The following SYNPR variants were observed in gnomAD, a reference collection of about 807,000 sequenced individuals.
SYNPR encodes the protein synaptoporin.
In SYNPR, 23 loss-of-function variants were observed where a neutral mutation model predicts 32.9. The observed-to-expected ratio is 0.70, with a 90% CI of 0.50 to 0.99. The LOEUF (loss-of-function observed/expected upper bound fraction) is 0.99. SYNPR is among the 50% of genes least tolerant of loss of function. SYNPR has a pLI of 0.00. For missense variants in SYNPR, 318 were observed against 349.3 expected, an observed-to-expected ratio of 0.91 and a Z score of 0.71; for synonymous variants, 146 against 135.9, an observed-to-expected ratio of 1.07 and a Z score of -0.52.
chr3:63,433,717 T>A (rs1369002077), intron 2 of SYNPR, among the ~76,000 whole-genome samples: 1 of 151,992 alleles, frequency 6.6e-6, no homozygotes, highest in African/African-American at 2.4e-5. Flanking sequence ...TTCGGGAAGG[T>A]GTAAATTAGA....
chr3:63,410,290 GGAGTT>G (rs2088445128), intron 2 of SYNPR, among the ~76,000 whole-genome samples: 1 of 152,120 alleles, frequency 6.6e-6, no homozygotes, highest in African/African-American at 2.4e-5. Context: ...ATTAAATGAT[GGAGTT>G]GAGTTTCAAA....
At chr3:63,262,073 C>G (rs905579661) in intron 2 of SYNPR, among the ~76,000 whole-genome samples, 2 of 149,828 alleles carry the variant, frequency 1.3e-5, no homozygotes, top group African/African-American at 4.9e-5. Flanking sequence ...TTTACCATTA[C>G]AGTTTTCATT....
At chr3:63,494,451 A>C (rs76785486) in intron 3 of SYNPR, among the ~76,000 whole-genome samples, 2 of 130,776 alleles carry the variant, frequency 1.5e-5, no homozygotes, top group Non-Finnish European at 1.6e-5. Flanking sequence ...ATATATACAC[A>C]TATATATACA....
At chr3:63,325,175 C>A (rs1419901284) in intron 2 of SYNPR, among the ~76,000 whole-genome samples, 2 of 152,004 alleles carry the variant, frequency 1.3e-5, no homozygotes, top group Non-Finnish European at 2.9e-5. Context: ...GGCAGAACAG[C>A]CACTGTAATT....
intron 2 of SYNPR, among the ~76,000 whole-genome samples, chr3:63,294,093 A>T (rs561837954): frequency 6.6e-6 from 1 of 152,136 alleles, no homozygotes; most frequent in Non-Finnish European, 1.5e-5. Flanking sequence ...TAATGTCTAT[A>T]TGTGATTATG....
At chr3:63,311,198 G>A (rs1210178667) in intron 2 of SYNPR, among the ~76,000 whole-genome samples, 38 of 151,970 alleles carry the variant, frequency 2.5e-4, no homozygotes, top group Non-Finnish European at 1.5e-5. Flanking sequence ...AAAAACAAAT[G>A]AGATGTAATA....
intron 3 of SYNPR, among the ~76,000 whole-genome samples, chr3:63,515,917 C>G (rs1701790042): frequency 1.3e-5 from 2 of 152,104 alleles, no homozygotes; most frequent in South Asian, 2.1e-4. Flanking sequence ...GAGGATCCCT[C>G]CTACACATAT....
At chr3:63,311,994 G>T (rs2086971346) in intron 2 of SYNPR, among the ~76,000 whole-genome samples, 1 of 151,924 alleles carries the variant, frequency 6.6e-6, no homozygotes, top group African/African-American at 2.4e-5. Flanking sequence ...CATCTTTAAA[G>T]GAGAGGGTAA....
intron 3 of SYNPR, among the ~76,000 whole-genome samples, chr3:63,512,656 G>A (rs1701719206): frequency 1.3e-5 from 2 of 152,130 alleles, no homozygotes; most frequent in Admixed American, 1.3e-4. Flanking sequence ...CAAAGCTGGA[G>A]GAAGGGGCCA....
intron 4 of SYNPR, among the ~76,000 whole-genome samples, chr3:63,573,612 G>A (rs1430203502): frequency 2.0e-5 from 3 of 152,178 alleles, no homozygotes; most frequent in Admixed American, 1.3e-4. Context: ...GAAGCCTAGA[G>A]AAGTTATCAA....
At chr3:63,261,401 T>A (rs1050469463) in intron 2 of SYNPR, among the ~76,000 whole-genome samples, 3 of 151,472 alleles carry the variant, frequency 2.0e-5, no homozygotes, top group African/African-American at 7.3e-5. Flanking sequence ...AAATGATGAG[T>A]TCATGTCCTT....
chr3:63,599,619 T>G (rs569981398), intron 4 of SYNPR, among the ~76,000 whole-genome samples: 9 of 152,206 alleles, frequency 5.9e-5, no homozygotes, highest in Non-Finnish European at 1.3e-4. Context: ...AAATCACCTT[T>G]TTTTCAGAAC....
intron 2 of SYNPR, among the ~76,000 whole-genome samples, chr3:63,464,429 C>A (rs1700641681): frequency 6.6e-6 from 1 of 152,140 alleles, no homozygotes; most frequent in African/African-American, 2.4e-5. Context: ...TTCATTTTTA[C>A]TTAATTTATT....
intron 1 of SYNPR, among the ~76,000 whole-genome samples, chr3:63,252,000 A>G (rs952644303): frequency 6.6e-6 from 1 of 152,008 alleles, no homozygotes; most frequent in African/African-American, 2.4e-5. Flanking sequence ...AGTCTCTATC[A>G]ATTTAATAGA....
intron 4 of SYNPR, among the ~76,000 whole-genome samples, chr3:63,578,562 A>T (rs549626344): frequency 7.0e-4 from 107 of 152,216 alleles, no homozygotes; most frequent in Non-Finnish European, 9.7e-4. Context: ...TATTTTACGG[A>T]TAAATAGAAA....
chr3:63,242,402 C>A (rs1174018999), intron 1 of SYNPR, among the ~76,000 whole-genome samples: 3 of 152,044 alleles, frequency 2.0e-5, no homozygotes, highest in Non-Finnish European at 4.4e-5. Context: ...GAAAACTCTG[C>A]CCCGACCAGC....
intron 4 of SYNPR, among the ~76,000 whole-genome samples, chr3:63,588,803 C>T (rs989022141): frequency 6.6e-6 from 1 of 152,046 alleles, no homozygotes; most frequent in Non-Finnish European, 1.5e-5. Flanking sequence ...CTTCTACTAA[C>T]ATTTAATTGT....
intron 3 of SYNPR, among the ~76,000 whole-genome samples, chr3:63,494,557 G>T (rs533187295): frequency 6.8e-6 from 1 of 146,846 alleles, no homozygotes; most frequent in African/African-American, 2.5e-5. Context: ...CATCATCATC[G>T]TTGTCATCGA....
intron 1 of SYNPR, among the ~76,000 whole-genome samples, chr3:63,234,208 G>C (rs1025412549): frequency 6.6e-6 from 1 of 152,160 alleles, no homozygotes; most frequent in African/African-American, 2.4e-5. Flanking sequence ...GAGAGAGCTT[G>C]TGAATGGGAA....
Sources: allele counts gnomAD v4.1 joint callset (sites outside exome capture counted in the v4.1 genomes callset), GRCh38; gene constraint gnomAD v4.1.1; transcripts MANE v1.5; gene names NCBI Gene and HGNC (gene_info 2026-07-23, HGNC 2026-07-21).